UMAD1: variants seen among roughly 807,000 people sequenced by gnomAD.
The protein encoded by UMAD1 is UBAP1-MVB12-associated (UMA) domain containing 1, also known as UBAP1-MVB12-associated (UMA)-domain containing protein 1.
In UMAD1, 8 loss-of-function variants were observed where a neutral mutation model predicts 6.1. The ratio of observed to expected loss-of-function variants is 1.30; its 90% CI spans 0.76 to 2.35. The LOEUF is 2.35. Among genes scored for constraint, UMAD1 ranks in the 30% most tolerant of loss-of-function variants. The pLI is 0.00. For missense variants in UMAD1, 130 were observed against 78.4 expected (o/e 1.66, Z -2.49); for synonymous variants, 56 against 31.4 (o/e 1.78, Z -2.61).
At chr7:7,838,118 T>A (rs1056059054) in intron 3 of UMAD1, among the ~76,000 whole-genome samples, 1 of 152,200 alleles carries the variant, frequency 6.6e-6, no homozygotes, top group African/African-American at 2.4e-5. Flanking sequence ...TTTTAGTAAT[T>A]GATTTATTGA....
At chr7:7,862,732 C>T (rs149658234) in intron 3 of UMAD1, among the ~76,000 whole-genome samples, 3 of 152,172 alleles carry the variant, frequency 2.0e-5, no homozygotes, top group East Asian at 3.9e-4. Flanking sequence ...GTTTCTATAG[C>T]GGCACAGTCT....
At chr7:7,802,364 G>A (rs1017621103) in intron 3 of UMAD1, among the ~76,000 whole-genome samples, 1 of 140,392 alleles carries the variant, frequency 7.1e-6, no homozygotes, top group African/African-American at 2.9e-5. Context: ...GCGACAGAGC[G>A]AGACTCCGTC....
At position 7,673,425 on chromosome 7, in the gene UMAD1, G is replaced by A; in HGVS notation, c.54G>A (p.Glu18=). Residue 18 remains glutamate, a synonymous_variant, in exon 2 of 4, where the codon GAG becomes GAA. Coordinates refer to ENST00000682710, the MANE Select transcript of UMAD1 (RefSeq NM_001302348.2). ...AATCTAAAAAGCCCTCAGTACCAGA[G>A]ACAGAAGCAGATGGATTCGTCCTTT... ...PPESKKPSVP[E]TEADGFVLLG... 1 of 981,204 alleles carries A rather than the reference G, an allele frequency of 1.0e-6. No homozygotes were observed. Among genetic ancestry groups the A allele is most frequent in the Non-Finnish European group, 1.6e-6 (1 of 638,586 alleles). The allele number at this position is 981,204 out of a possible 1,614,324, so 60.8% of individuals were successfully genotyped here. A position where few individuals can be genotyped will look rare whatever the true frequency, so the allele number is the denominator to read the frequency against.
At chr7:7,652,626 T>G (rs1785249555) in intron 1 of UMAD1, among the ~76,000 whole-genome samples, 1 of 152,206 alleles carries the variant, frequency 6.6e-6, no homozygotes, top group South Asian at 2.1e-4. Context: ...GGAAGTAGAT[T>G]GGTTAATTCC....
At chr7:7,660,070 C>T (rs1268504460) in intron 1 of UMAD1, among the ~76,000 whole-genome samples, 1 of 152,124 alleles carries the variant, frequency 6.6e-6, no homozygotes, top group Non-Finnish European at 1.5e-5. Context: ...CTTTTTGTCT[C>T]TTTTGATCTT....
At chr7:7,726,925 G>A (rs1309338710) in intron 2 of UMAD1, among the ~76,000 whole-genome samples, 1 of 152,216 alleles carries the variant, frequency 6.6e-6, no homozygotes, top group East Asian at 1.9e-4. Flanking sequence ...GCATGGAATA[G>A]AGGAGATCCA....
chr7:7,695,730 C>T (rs997948386), intron 2 of UMAD1, among the ~76,000 whole-genome samples: 6 of 152,160 alleles, frequency 3.9e-5, no homozygotes, highest in Non-Finnish European at 8.8e-5. Flanking sequence ...CCTATGTAGA[C>T]CTAGCATCTT....
chr7:7,876,437 G>A (rs577319033), intron 3 of UMAD1, among the ~76,000 whole-genome samples: 1 of 152,192 alleles, frequency 6.6e-6, no homozygotes, highest in East Asian at 1.9e-4. Context: ...TCATTTTTTT[G>A]CCCAGGCTGG....
At chr7:7,807,797 T>G (rs1583840501) in intron 3 of UMAD1, among the ~76,000 whole-genome samples, 1 of 152,036 alleles carries the variant, frequency 6.6e-6, no homozygotes, top group Non-Finnish European at 1.5e-5. Flanking sequence ...AAATCGAAAG[T>G]TTTCAGTACT....
At chr7:7,747,603 G>A (rs868050510) in intron 2 of UMAD1, among the ~76,000 whole-genome samples, 5 of 152,124 alleles carry the variant, frequency 3.3e-5, no homozygotes, top group Admixed American at 6.5e-5. Context: ...AGCCTTTTAG[G>A]CAATTGAAAC....
chr7:7,705,268 G>T (rs980916026), intron 2 of UMAD1, among the ~76,000 whole-genome samples: 4 of 152,126 alleles, frequency 2.6e-5, no homozygotes, highest in Non-Finnish European at 5.9e-5. Context: ...ATTTAGTTTT[G>T]TCATTAAGAT....
intron 2 of UMAD1, among the ~76,000 whole-genome samples, chr7:7,721,780 T>G (rs1350641690): frequency 6.6e-6 from 1 of 152,200 alleles, no homozygotes; most frequent in Non-Finnish European, 1.5e-5. Flanking sequence ...ATACTGAGTG[T>G]CAACTTGATT....
chr7:7,740,892 G>A (rs530483156), intron 2 of UMAD1: 2 of 152,040 alleles, frequency 1.3e-5, no homozygotes, highest in Non-Finnish European at 2.9e-5. Flanking sequence ...CAGTATTTGG[G>A]TCCAAACCTA....
intron 2 of UMAD1, among the ~76,000 whole-genome samples, chr7:7,721,037 G>C (rs1049557010): frequency 2.0e-5 from 3 of 152,174 alleles, no homozygotes; most frequent in African/African-American, 7.2e-5. Flanking sequence ...GGCCATGTGA[G>C]AGAGGCAGAG....
At chr7:7,851,273 G>A (rs150908762) in intron 3 of UMAD1, among the ~76,000 whole-genome samples, 78 of 152,150 alleles carry the variant, frequency 5.1e-4, no homozygotes, top group East Asian at 2.5e-3. Context: ...ATTCCATTGC[G>A]TGGCTATACC....
At chr7:7,850,587 T>A (rs574334816) in intron 3 of UMAD1, among the ~76,000 whole-genome samples, 1 of 152,160 alleles carries the variant, frequency 6.6e-6, no homozygotes, top group African/African-American at 2.4e-5. Context: ...GGCCAAGTGT[T>A]ATAAAATTTC....
chr7:7,750,744 TCA>T (rs1781662794), intron 2 of UMAD1, among the ~76,000 whole-genome samples: 1 of 152,168 alleles, frequency 6.6e-6, no homozygotes, highest in Non-Finnish European at 1.5e-5. Context: ...TTGCTCAAAA[TCA>T]CACAGCTAGA....
Position 7,847,128 on chromosome 7 carries a change from T to A in UMAD1, c.157-30153T>A, listed in dbSNP as rs1407918460. On this transcript the variant is annotated intron_variant, in intron 3 of 3. Coordinates refer to ENST00000682710, the MANE Select transcript of UMAD1 (RefSeq NM_001302348.2). ...AAATATATATATATATATATATATA[T>A]ATATATATATATATATATATATATA... 1.0e-3 allele frequency among the ~76,000 whole-genome samples: 38 copies of A among 37,388 alleles called. 8 individuals carry two copies. The highest frequency in any genetic ancestry group is 3.1e-3 in the African/African-American group (35 of 11,466). The allele number at this position is 37,388 out of a possible 152,430, so 24.5% of individuals were successfully genotyped here.
intron 1 of UMAD1, among the ~76,000 whole-genome samples, chr7:7,642,267 T>C: frequency 7.8e-6 from 1 of 127,844 alleles, no homozygotes; most frequent in East Asian, 1.9e-4. Context: ...GCCAAGTAGC[T>C]GGGACTATAA....
Sources: allele counts gnomAD v4.1 joint callset (sites outside exome capture counted in the v4.1 genomes callset), GRCh38; gene constraint gnomAD v4.1.1; transcripts MANE v1.5; gene names NCBI Gene and HGNC (gene_info 2026-07-23, HGNC 2026-07-21).